RLIG1: variants seen among roughly 807,000 people sequenced by gnomAD.
RLIG1 encodes RNA ligase 1.
chr12:88,036,703 G>A, the RLIG1 span, among the ~76,000 whole-genome samples: 1 of 152,154 alleles, frequency 6.6e-6, no homozygotes, highest in African/African-American at 2.4e-5. Context: ...TGTCACAGCT[G>A]TTACAGTTAA....
the RLIG1 span, among the ~76,000 whole-genome samples, chr12:88,038,867 G>GATGAAGCAATGATC: frequency 6.6e-6 from 1 of 152,184 alleles, no homozygotes; most frequent in African/African-American, 2.4e-5. Context: ...TCATGAAAAG[G>GATGAAGCAATGATC]ATGAAGATCA....
chr12:88,048,398 CAA>C, the RLIG1 span: 1 of 1,495,534 alleles, frequency 6.7e-7, no homozygotes, highest in South Asian at 1.2e-5. Flanking sequence ...TTGTTAGACT[CAA>C]AGATATAATA....
the RLIG1 span, chr12:88,048,203 G>A: frequency 1.3e-6 from 2 of 1,482,676 alleles, no homozygotes; most frequent in Non-Finnish European, 1.8e-6. Flanking sequence ...GTATCTGTAT[G>A]CTAAAGCTAA....
At chr12:88,047,827 T>C in the RLIG1 span, among the ~76,000 whole-genome samples, 2 of 152,184 alleles carry the variant, frequency 1.3e-5, no homozygotes, top group African/African-American at 4.8e-5. Context: ...CATATTTACA[T>C]GATTGCAATT....
chr12:88,040,624 G>A, the RLIG1 span, among the ~76,000 whole-genome samples: 1 of 152,128 alleles, frequency 6.6e-6, no homozygotes, highest in Non-Finnish European at 1.5e-5. Context: ...TGGCTGAACT[G>A]GCAATGGGAC....
the RLIG1 span, chr12:88,048,641 C>T: frequency 1.6e-5 from 5 of 318,204 alleles, no homozygotes; most frequent in East Asian, 3.0e-4. Flanking sequence ...ATAGTAAGCT[C>T]CTAAGCTTGG....
At chr12:88,048,873 A>T in the RLIG1 span, 1 of 207,586 alleles carries the variant, frequency 4.8e-6, no homozygotes, top group Non-Finnish European at 9.4e-6. Flanking sequence ...AGTATATATA[A>T]ACTCCAATTT....
At chr12:88,046,853 A>G in the RLIG1 span, 1 of 1,613,086 alleles carries the variant, frequency 6.2e-7, no homozygotes, top group Admixed American at 1.7e-5. Context: ...TACCACATGG[A>G]GCATTTCAAA....
chr12:88,036,172 C>A, the RLIG1 span: 2 of 996,294 alleles, frequency 2.0e-6, no homozygotes, highest in Non-Finnish European at 2.7e-6. Flanking sequence ...GAACCAGTGG[C>A]GGTGTTGACA....
the RLIG1 span, among the ~76,000 whole-genome samples, chr12:88,036,527 T>G: frequency 6.6e-6 from 1 of 151,234 alleles, no homozygotes; most frequent in Non-Finnish European, 1.5e-5. Flanking sequence ...AGGCAAAGAT[T>G]GCCCTGTTAT....
the RLIG1 span, chr12:88,035,549 G>C: frequency 2.1e-5 from 27 of 1,257,562 alleles, no homozygotes; most frequent in Middle Eastern, 1.8e-4. Flanking sequence ...GAGTGTGCGT[G>C]GCCTGAGCCG....
chr12:88,039,638 C>T, the RLIG1 span, among the ~76,000 whole-genome samples: 3 of 152,174 alleles, frequency 2.0e-5, no homozygotes, highest in East Asian at 3.9e-4. Flanking sequence ...CCCTTTCCAC[C>T]GTATCCAAAA....
chr12:88,048,404 TATA>T, the RLIG1 span: 374 of 1,473,398 alleles, frequency 2.5e-4, no homozygotes, highest in Non-Finnish European at 3.2e-4. Flanking sequence ...GACTCAAAGA[TATA>T]ATATTTGATG....
At chr12:88,039,414 A>C in the RLIG1 span, among the ~76,000 whole-genome samples, 1 of 152,190 alleles carries the variant, frequency 6.6e-6, no homozygotes, top group African/African-American at 2.4e-5. Flanking sequence ...GAAAATTACA[A>C]TTGAAAGATA....
the RLIG1 span, among the ~76,000 whole-genome samples, chr12:88,047,335 A>T: frequency 1.3e-5 from 2 of 152,140 alleles, no homozygotes; most frequent in African/African-American, 2.4e-5. Context: ...CCAAGGTAGC[A>T]GTTGATATAT....
At chr12:88,039,860 AAT>A in the RLIG1 span, among the ~76,000 whole-genome samples, 1 of 152,176 alleles carries the variant, frequency 6.6e-6, no homozygotes, top group Non-Finnish European at 1.5e-5. Flanking sequence ...TATATGATTA[AAT>A]ATACTGAATG....
At chr12:88,040,147 G>A in the RLIG1 span, 1 of 1,578,262 alleles carries the variant, frequency 6.3e-7, no homozygotes, top group Non-Finnish European at 8.7e-7. Context: ...CTTTTTTTAA[G>A]CCATTTAAAG....
the RLIG1 span, chr12:88,047,046 A>G: frequency 1.5e-6 from 2 of 1,377,906 alleles, no homozygotes; most frequent in East Asian, 4.9e-5. Context: ...AAGTGACACT[A>G]AAATTCTCTC....
At chr12:88,037,191 T>C in the RLIG1 span, among the ~76,000 whole-genome samples, 1 of 152,202 alleles carries the variant, frequency 6.6e-6, no homozygotes, top group South Asian at 2.1e-4. Flanking sequence ...CTGTTCACTC[T>C]GGATCACCTC....
Sources: allele counts gnomAD v4.1 joint callset (sites outside exome capture counted in the v4.1 genomes callset), GRCh38; gene constraint gnomAD v4.1.1; transcripts MANE v1.5; gene names NCBI Gene and HGNC (gene_info 2026-07-23, HGNC 2026-07-21).